Variants in MCM3 observed in about 807,000 individuals in gnomAD.
MCM3 encodes the protein DNA replication licensing factor MCM3.
Under a neutral mutation model 91.3 loss-of-function variants are expected in MCM3, and 59 were observed. The ratio of observed to expected loss-of-function variants is 0.65; its 90% CI spans 0.52 to 0.80. The LOEUF (loss-of-function observed/expected upper bound fraction) is 0.80. Ranked by LOEUF, MCM3 falls within the 30% of genes least tolerant of loss-of-function variation. The probability of loss-of-function intolerance (pLI) is 0.00; values close to 1 mark genes in which losing one functional copy is unlikely to be tolerated. For missense variants in MCM3, 919 were observed against 1,035.4 expected, an observed-to-expected ratio of 0.89 and a Z score of 1.54; for synonymous variants, 383 against 379.6, an observed-to-expected ratio of 1.01 and a Z score of -0.10.
At chr6:52,274,937 TTTTAC>T (rs1362479326) in intron 9 of MCM3, among the ~76,000 whole-genome samples, 6 of 152,150 alleles carry the variant, frequency 3.9e-5, no homozygotes, top group African/African-American at 1.4e-4. Context: ...TTTTATTTTA[TTTTAC>T]TTTTAAAGAT....
intron 9 of MCM3, among the ~76,000 whole-genome samples, chr6:52,274,241 C>CT (rs1765376721): frequency 6.6e-6 from 1 of 152,170 alleles, no homozygotes; most frequent in Non-Finnish European, 1.5e-5. Context: ...GGACCTGACT[C>CT]TGAAAGATGA....
rs530042101 is a variant in MCM3, at chr6:52,273,538, G to GTTAT, written c.1550-186_1550-183dup. Among the ~76,000 whole-genome samples the GTTAT allele has an allele frequency of 1.5e-4, 23 of 152,264 alleles. No individual in the cohort carries two copies. In the East Asian group the frequency reaches 4.4e-3, roughly 29 times the overall value. ...CTGCCTGGCTCACACAAGATGCTCA[G>GTTAT]TTATTCCCAGACCCAGAAATGGACA... On this transcript the variant is annotated intron_variant, in intron 10 of 16. Transcript: ENST00000596288.
intron 4 of MCM3, 51 bp downstream of exon 4, chr6:52,281,994 G>GT: frequency 1.3e-6 from 2 of 1,591,906 alleles, no homozygotes; most frequent in Non-Finnish European, 1.7e-6. Context: ...CTTAAAACAG[G>GT]TATCTTTGAT....
chr6:52,281,451 G>A (rs533204187), intron 4 of MCM3, among the ~76,000 whole-genome samples: 3 of 152,214 alleles, frequency 2.0e-5, no homozygotes, highest in South Asian at 4.2e-4. Context: ...GGAAGCAGGA[G>A]GATCACTTGA....
intron 4 of MCM3, among the ~76,000 whole-genome samples, chr6:52,280,439 CACA>C (rs147764815): frequency 7.2e-5 from 11 of 152,320 alleles, no homozygotes; most frequent in Non-Finnish European, 1.0e-4. Context: ...ATGTAATTAT[CACA>C]ACAACTTTGT....
chr6:52,276,286 G>A lies in MCM3; in HGVS notation c.1356C>T (p.Ala452=). Residue 452 remains alanine, a synonymous_variant, in exon 9 of 17, where the codon GCC becomes GCT. Coordinates refer to ENST00000596288, the MANE Select transcript of MCM3 (RefSeq NM_002388.6). The part of the protein sequence containing the change: ...LNARCSVLAA[A]NPVYGRYDQY... ...CACTTACCCTGCCGTAGACAGGGTT[G>A]GCAGCTGCCAAAACACTGCAGCGGG... is the stretch of plus-strand genomic sequence containing the variant. The A allele has an allele frequency of 6.2e-7, 1 of 1,611,724 alleles. No individual in the cohort carries two copies. The highest frequency in any genetic ancestry group is 1.7e-5 in the Admixed American group (1 of 59,950).
chr6:52,266,182 A>T, intron 15 of MCM3, 38 bp from the exon 16 acceptor site: 1 of 1,467,030 alleles, frequency 6.8e-7, no homozygotes, highest in East Asian at 2.3e-5. Context: ...GGGGAAGATA[A>T]GCAAGGTGAA....
rs555705779 is a variant in MCM3, at chr6:52,268,106, C to T, written c.1969-138G>A. Reference sequence around the variant, plus strand: ...ATGGTTTACCTAGCTCCTCTTGTCCCTAAGTCCCAGGACCAGGGGCAGAAG... The same window carrying T: ...ATGGTTTACCTAGCTCCTCTTGTCCTTAAGTCCCAGGACCAGGGGCAGAAG... On this transcript the variant is annotated intron_variant, in intron 13 of 16. Coordinates refer to ENST00000596288, the MANE Select transcript of MCM3 (RefSeq NM_002388.6). The T allele has an allele frequency of 1.7e-5, 20 of 1,190,500 alleles. No individual in the cohort carries two copies. In the African/African-American group the frequency reaches 3.0e-4, roughly 18 times the overall value. The allele number at this position is 1,190,500 out of a possible 1,614,324, so 73.7% of individuals were successfully genotyped here.
chr6:52,269,208 G>A lies in MCM3; in HGVS notation c.1846C>T (p.Arg616Ter), dbSNP rs762801829. ...DTARTSPVTA[R>*]TLETLIRLAT... is the part of the protein sequence containing the mutation. ...AGTCGAATCAGAGTTTCCAGTGTTC[G>A]GGCTGTAACTGGAGATGTCTAGGGA... The change falls in exon 13 of 17, where the codon CGA (arginine) becomes TGA (stop). Residue 616 changes from arginine (R) to a stop codon, truncating the protein, a stop_gained. Coordinates refer to ENST00000596288, the MANE Select transcript of MCM3 (RefSeq NM_002388.6). LOFTEE classifies it high-confidence loss of function. 4 of 1,611,274 alleles carry A rather than the reference G, an allele frequency of 2.5e-6. No homozygotes were observed. The highest frequency in any genetic ancestry group is 1.3e-5 in the African/African-American group (1 of 74,874).
intron 1 of MCM3, among the ~76,000 whole-genome samples, chr6:52,283,758 T>C (rs554009314): frequency 6.6e-6 from 1 of 152,236 alleles, no homozygotes; most frequent in Non-Finnish European, 1.5e-5. Context: ...AATGTTAAGT[T>C]AAACCTAGCA....
intron 1 of MCM3, 121 bp downstream of exon 1, chr6:52,284,476 G>C: frequency 3.6e-6 from 3 of 839,406 alleles, no homozygotes; most frequent in East Asian, 2.9e-5. Context: ...CTGGAGGCTC[G>C]GGCCCGGCAG....
In MCM3 at chr6:52,277,053, C is replaced by A; in HGVS notation, c.1165+14G>T. 6.2e-7 allele frequency: 1 copy of A among 1,611,838 alleles called. No individual in the cohort carries two copies. The highest frequency in any genetic ancestry group is 1.1e-5 in the South Asian group (1 of 90,878). On this transcript the variant is annotated intron_variant, in intron 8 of 16. Transcript: ENST00000596288. ...TCTCTGCTGGGCCTTTGCCAAGGAC[C>A]CTTACACCCTTACCTGTTTCCTGGT... is the stretch of plus-strand genomic sequence containing the variant.
At chr6:52,272,587 C>A in intron 11 of MCM3, 136 bp from the exon 12 acceptor site, 2 of 764,476 alleles carry the variant, frequency 2.6e-6, no homozygotes, top group Admixed American at 5.9e-5. Context: ...TTATATGGAA[C>A]ATAGACAAGA....
At chr6:52,271,754 A>AT (rs1765151916) in intron 12 of MCM3, among the ~76,000 whole-genome samples, 1 of 152,178 alleles carries the variant, frequency 6.6e-6, no homozygotes. Flanking sequence ...CCTGTTAGTC[A>AT]TTTTTTCAAA....
Position 52,282,745 on chromosome 6 carries a change from T to G in MCM3, c.308A>C (p.Glu103Ala). ...GACGTGCTTGGAGCCAAAGCTGCCT[T>G]CCAGTCCTACGTAGAACTCCTCATA... ...KQYEEFYVGL[E>A]GSFGSKHVSP... The change falls in exon 3 of 17, where the codon GAA becomes GCA. Residue 103 changes from glutamate to alanine, a missense_variant. Coordinates refer to ENST00000596288, the MANE Select transcript of MCM3 (RefSeq NM_002388.6). 1.9e-6 allele frequency: 3 copies of G among 1,614,014 alleles called. No homozygotes were observed. Among genetic ancestry groups the G allele is most frequent in the Non-Finnish European group, 2.5e-6 (3 of 1,180,014 alleles).
intron 12 of MCM3, 42 bp from the exon 13 acceptor site, chr6:52,269,268 G>A: frequency 6.3e-7 from 1 of 1,579,746 alleles, no homozygotes; most frequent in Non-Finnish European, 8.7e-7. Flanking sequence ...AAGTCTTTTA[G>A]GCATGCCCAT....
chr6:52,278,069 C>CAAAAAA, intron 6 of MCM3, among the ~76,000 whole-genome samples: 1 of 30,986 alleles, frequency 3.2e-5, no homozygotes, highest in Non-Finnish European at 5.3e-5. Flanking sequence ...TTCCGTCTCA[C>CAAAAAA]CAAAAAAAAA....
At chr6:52,275,712 C>T (rs6930760) in intron 9 of MCM3, among the ~76,000 whole-genome samples, 12,584 of 152,118 alleles carry the variant, frequency 0.083, 1,072 homozygotes, top group East Asian at 0.33. Context: ...ATCCCTGTGA[C>T]GGAATACTAG....
At chr6:52,278,708 T>C (rs758017170) in intron 6 of MCM3, 34 bp downstream of exon 6, 2 of 1,465,472 alleles carry the variant, frequency 1.4e-6, no homozygotes, top group African/African-American at 1.4e-5. Flanking sequence ...TAGAAATCCA[T>C]TCCCACCCTC....
Sources: allele counts gnomAD v4.1 joint callset (sites outside exome capture counted in the v4.1 genomes callset), GRCh38; gene constraint gnomAD v4.1.1; transcripts MANE v1.5; gene names NCBI Gene and HGNC (gene_info 2026-07-23, HGNC 2026-07-21).